ROCK2: variants seen among roughly 807,000 people sequenced by gnomAD.
The protein encoded by ROCK2 is Rho associated coiled-coil containing protein kinase 2.
ROCK2 carries 61 observed loss-of-function variants against 195.1 expected under a neutral mutation model. The observed-to-expected ratio is 0.31, with a 90% CI of 0.25 to 0.39. The LOEUF (loss-of-function observed/expected upper bound fraction) is 0.39, where lower values mean the gene tolerates loss of function less well. Among genes scored for constraint, ROCK2 ranks in the 10% least tolerant of loss-of-function variants. ROCK2 has a pLI of 1.00. For synonymous variants in ROCK2, 504 were observed against 545.5 expected, an observed-to-expected ratio of 0.92 and a Z score of 1.06; for missense variants, 1,109 against 1,637.4, an observed-to-expected ratio of 0.68 and a Z score of 5.57.
chr2:11,249,526 G>T, intron 4 of ROCK2, 135 bp downstream of exon 4: 4 of 621,252 alleles, frequency 6.4e-6, no homozygotes, highest in Non-Finnish European at 7.5e-6. Context: ...CAAATGTTTT[G>T]AATCAAATCT....
rs1006860732 is a variant in ROCK2, at chr2:11,245,935, T to C, written c.462+3726A>G. 2.6e-5 allele frequency among the ~76,000 whole-genome samples: 4 copies of C among 152,336 alleles called. No individual in the cohort carries two copies. The East Asian group carries it at 7.7e-4, about 29-fold the overall frequency. On this transcript the variant is annotated intron_variant, in intron 4 of 32. Transcript: ENST00000315872. ...CAATAAAAGAATAAAGCATTTATCC[T>C]GTCCTTCCAGTGTGAACTGCACCCT...
intron 3 of ROCK2, among the ~76,000 whole-genome samples, chr2:11,264,661 T>C (rs943000451): frequency 1.2e-4 from 18 of 152,174 alleles, no homozygotes; most frequent in African/African-American, 4.1e-4. Flanking sequence ...ATTGCCATTA[T>C]ATAAACTGTA....
chr2:11,191,108 C>T (rs540022799), intron 32 of ROCK2, among the ~76,000 whole-genome samples: 12 of 152,294 alleles, frequency 7.9e-5, no homozygotes, highest in African/African-American at 2.6e-4. Context: ...TATTCATATA[C>T]TGAAGGTCCT....
chr2:11,250,544 ATG>A (rs1335594091), intron 3 of ROCK2, among the ~76,000 whole-genome samples: 1 of 152,214 alleles, frequency 6.6e-6, no homozygotes, highest in Non-Finnish European at 1.5e-5. Context: ...GAATACTTGG[ATG>A]TCTAATAGGA....
intron 1 of ROCK2, chr2:11,308,081 C>G: frequency 6.2e-7 from 1 of 1,608,784 alleles, no homozygotes. Context: ...TTAGGAGAGG[C>G]GCCGACTGCG....
At chr2:11,193,908 A>T in intron 29 of ROCK2, 51 bp from the exon 30 acceptor site, 1 of 1,000,360 alleles carries the variant, frequency 1.0e-6, no homozygotes, top group Non-Finnish European at 1.5e-6. Context: ...GGATCAAATT[A>T]TATATTAATT....
intron 9 of ROCK2, 117 bp downstream of exon 9, chr2:11,221,081 T>C: frequency 1.6e-6 from 1 of 640,178 alleles, no homozygotes; most frequent in Admixed American, 3.1e-5. Flanking sequence ...CTGATGATAG[T>C]CCTTTTGGAA....
At chr2:11,290,047 T>C (rs1667312604) in intron 1 of ROCK2, among the ~76,000 whole-genome samples, 1 of 152,204 alleles carries the variant, frequency 6.6e-6, no homozygotes, top group South Asian at 2.1e-4. Context: ...CATTCTTACT[T>C]GAGGCCTTTA....
chr2:11,337,939 G>A (rs1348818918), intron 1 of ROCK2, among the ~76,000 whole-genome samples: 1 of 152,032 alleles, frequency 6.6e-6, no homozygotes, highest in African/African-American at 2.4e-5. Flanking sequence ...CACCATGCCT[G>A]GCCATCAGTT....
At chr2:11,205,265 T>TA (rs1664009023) in intron 20 of ROCK2, among the ~76,000 whole-genome samples, 2 of 152,322 alleles carry the variant, frequency 1.3e-5, no homozygotes, top group Middle Eastern at 3.4e-3. Flanking sequence ...TTAGTTCATT[T>TA]AGTGTCACAA....
chr2:11,245,928 T>G (rs931105024), intron 4 of ROCK2, among the ~76,000 whole-genome samples: 5 of 152,174 alleles, frequency 3.3e-5, no homozygotes, highest in Non-Finnish European at 5.9e-5. Context: ...GAATAAAGCA[T>G]TTATCCTGTC....
At position 11,201,009 on chromosome 2, in the gene ROCK2, A is replaced by G. The variant is rs1380168482; in HGVS notation, c.2858T>C (p.Met953Thr). ...AAGTTCCTGTTTGTGTCTAGCCATC[A>G]TCTCTTTGATCTCCAGCTCTTTCAT... Reference protein sequence around the residue: ...KIMKELEIKEMMARHKQELTE... With the variant: ...KIMKELEIKETMARHKQELTE... The change falls in exon 23 of 33, where the codon ATG becomes ACG. Residue 953 changes from methionine to threonine, a missense_variant. Coordinates refer to ENST00000315872, the MANE Select transcript of ROCK2 (RefSeq NM_004850.5). The surrounding 1 kb of genome is among the most constrained non-coding windows in gnomAD (Gnocchi z 4.6). 6.2e-7 allele frequency: 1 copy of G among 1,611,832 alleles called. No homozygotes were observed. Among genetic ancestry groups the G allele is most frequent in the Non-Finnish European group, 8.5e-7 (1 of 1,179,424 alleles).
chr2:11,247,915 G>A (rs1009644365), intron 4 of ROCK2, among the ~76,000 whole-genome samples: 8 of 152,034 alleles, frequency 5.3e-5, no homozygotes, highest in Admixed American at 1.3e-4. Context: ...CCAGCTACTC[G>A]GGAGGCTGAG....
At chr2:11,307,928 G>C in intron 1 of ROCK2, 1 of 1,408,922 alleles carries the variant, frequency 7.1e-7, no homozygotes, top group African/African-American at 1.4e-5. Flanking sequence ...CGGTCCTCCT[G>C]GCCCTGTTAA....
chr2:11,217,598 C>T (rs2148069764), intron 11 of ROCK2, among the ~76,000 whole-genome samples: 1 of 152,238 alleles, frequency 6.6e-6, no homozygotes, highest in South Asian at 2.1e-4. Flanking sequence ...TGAATATGCT[C>T]AAAGTAAAGA....
intron 17 of ROCK2, 128 bp from the exon 18 acceptor site, chr2:11,211,968 T>G: frequency 1.6e-6 from 1 of 623,894 alleles, no homozygotes; most frequent in Non-Finnish European, 2.5e-6. Flanking sequence ...TGCAGTGGTT[T>G]GATTATGGCT....
intron 5 of ROCK2, among the ~76,000 whole-genome samples, chr2:11,229,792 G>C (rs577345420): frequency 6.6e-6 from 1 of 152,088 alleles, no homozygotes; most frequent in Non-Finnish European, 1.5e-5. Context: ...ATATATTTTG[G>C]TTAGCAAATC....
Position 11,242,480 on chromosome 2 carries a change from C to T in ROCK2, c.463-6518G>A, listed in dbSNP as rs181079499. 4.9e-4 allele frequency among the ~76,000 whole-genome samples: 74 copies of T among 152,136 alleles called. No individual in the cohort carries two copies. In the South Asian group the frequency reaches 9.6e-3, roughly 20 times the overall value. ...CAAAGCCCAAGTGAGAGAGGAGGGA[C>T]GGGATTCTACCCCTACCTTGACCTT... On this transcript the variant is annotated intron_variant, in intron 4 of 32. Coordinates refer to ENST00000315872, the MANE Select transcript of ROCK2 (RefSeq NM_004850.5).
chr2:11,193,952 TA>T, intron 29 of ROCK2, 95 bp from the exon 30 acceptor site: 1 of 583,040 alleles, frequency 1.7e-6, no homozygotes, highest in Non-Finnish European at 2.9e-6. Flanking sequence ...AAACACTGAC[TA>T]CTTTGACCCA....
Sources: allele counts gnomAD v4.1 joint callset (sites outside exome capture counted in the v4.1 genomes callset), GRCh38; gene constraint gnomAD v4.1.1; non-coding constraint Gnocchi (gnomAD v3.1); transcripts MANE v1.5; gene names NCBI Gene and HGNC (gene_info 2026-07-23, HGNC 2026-07-21).